Variants in TCF4 observed in about 807,000 individuals in gnomAD.
The protein encoded by TCF4 is SL3-3 enhancer factor 2.
In TCF4, 3 loss-of-function variants were observed where a neutral mutation model predicts 82.1. The observed-to-expected ratio is 0.04, with a 90% CI of 0.02 to 0.09. TCF4 has a LOEUF of 0.09. Among genes scored for constraint, TCF4 ranks in the 10% least tolerant of loss-of-function variants. TCF4 has a pLI of 1.00. For synonymous variants in TCF4, 276 were observed against 309.6 expected (o/e 0.89, Z 1.14); for missense variants, 518 against 852.7 (o/e 0.61, Z 4.89).
intron 3 of TCF4, among the ~76,000 whole-genome samples, chr18:55,507,254 T>G (rs752491791): frequency 6.6e-6 from 1 of 152,158 alleles, no homozygotes; most frequent in Non-Finnish European, 1.5e-5. Context: ...TTCACTACTT[T>G]TGTGCTTTGG....
chr18:55,313,119 C>A (rs979745064), intron 8 of TCF4, among the ~76,000 whole-genome samples: 1 of 152,086 alleles, frequency 6.6e-6, no homozygotes, highest in Admixed American at 6.6e-5. Flanking sequence ...ACTGACCTAG[C>A]AAACAGATGG....
intron 15 of TCF4, among the ~76,000 whole-genome samples, chr18:55,250,815 C>A (rs1047158719): frequency 2.0e-5 from 3 of 152,080 alleles, no homozygotes; most frequent in Admixed American, 6.6e-5. Context: ...GTTGGTAAGG[C>A]AGAGTCATAT....
At chr18:55,413,867 T>A (rs1165140939) in intron 5 of TCF4, among the ~76,000 whole-genome samples, 1 of 152,250 alleles carries the variant, frequency 6.6e-6, no homozygotes, top group African/African-American at 2.4e-5. Flanking sequence ...ATCATCTGAA[T>A]AGTGGTGAAT....
At chr18:55,356,800 T>A (rs1011261883) in intron 6 of TCF4, among the ~76,000 whole-genome samples, 3 of 152,124 alleles carry the variant, frequency 2.0e-5, no homozygotes, top group Non-Finnish European at 4.4e-5. Flanking sequence ...CACAAAAAAA[T>A]AAAAATAAAT....
chr18:55,591,450 A>G (rs1341471310), upstream of TCF4, among the ~76,000 whole-genome samples: 8 of 152,250 alleles, frequency 5.3e-5, no homozygotes, highest in African/African-American at 1.9e-4. Flanking sequence ...TAGATAATCC[A>G]ATAAAACCCC....
intron 6 of TCF4, among the ~76,000 whole-genome samples, chr18:55,358,344 T>C (rs528237034): frequency 6.6e-6 from 1 of 152,318 alleles, no homozygotes; most frequent in South Asian, 2.1e-4. Context: ...ACCATAGTAT[T>C]AGCATAGGTA....
In TCF4 at chr18:55,269,866, C is replaced by T. The variant is rs1418378685; in HGVS notation, c.887G>A (p.Cys296Tyr). ...GTCTGTCCCGTTGGCAGGAGGCGTA[C>T]AGGAAGAGGTGCTGTAATGGTTTGT... ...SGTNHYSTSSCTPPANGTDSI... is the reference protein window; with the variant it reads ...SGTNHYSTSSYTPPANGTDSI... The change falls in exon 11 of 20, where the codon TGT becomes TAT. Residue 296 changes from cysteine (C) to tyrosine (Y), a missense_variant. Cys to Tyr is a radical substitution (Grantham distance 194, BLOSUM62 -2). This residue lies in a region of TCF4 where 211 missense variants were observed against 327.4 expected (regional missense o/e 0.64). Coordinates refer to ENST00000354452, the MANE Select transcript of TCF4 (RefSeq NM_001083962.2). 1 of 1,613,068 alleles carries T rather than the reference C, an allele frequency of 6.2e-7. No homozygotes were observed. Among genetic ancestry groups the T allele is most frequent in the African/African-American group, 1.3e-5 (1 of 74,822 alleles).
intron 8 of TCF4, among the ~76,000 whole-genome samples, chr18:55,296,129 C>G (rs936845123): frequency 1.3e-5 from 2 of 150,594 alleles, no homozygotes; most frequent in Admixed American, 6.6e-5. Flanking sequence ...TTTAAACAAC[C>G]AAAATAACTC....
chr18:55,335,199 T>C (rs1226055619), intron 8 of TCF4, among the ~76,000 whole-genome samples: 1 of 152,194 alleles, frequency 6.6e-6, no homozygotes, highest in Non-Finnish European at 1.5e-5. Flanking sequence ...TTACATACCA[T>C]ATGCCCTGAA....
At chr18:55,356,636 T>C (rs939438290) in intron 6 of TCF4, among the ~76,000 whole-genome samples, 2 of 152,308 alleles carry the variant, frequency 1.3e-5, no homozygotes, top group East Asian at 1.9e-4. Flanking sequence ...ACATTCGAAC[T>C]CTTGCTACAG....
intron 3 of TCF4, among the ~76,000 whole-genome samples, chr18:55,532,251 T>C (rs1177345439): frequency 6.6e-6 from 1 of 152,198 alleles, no homozygotes; most frequent in African/African-American, 2.4e-5. Flanking sequence ...TATGATTAAA[T>C]ATGGATTAAG....
intron 2 of TCF4, among the ~76,000 whole-genome samples, chr18:55,628,358 A>T (rs900887646): frequency 2.6e-5 from 4 of 152,148 alleles, no homozygotes; most frequent in African/African-American, 9.7e-5. Flanking sequence ...TTCCAATGAA[A>T]ATCCTGCTGT....
At chr18:55,569,921 G>A (rs2097446158) in intron 3 of TCF4, among the ~76,000 whole-genome samples, 1 of 152,136 alleles carries the variant, frequency 6.6e-6, no homozygotes, top group Non-Finnish European at 1.5e-5. Flanking sequence ...TCACGTAGAA[G>A]AACTCAGGCT....
Position 55,229,065 on chromosome 18 carries a change from T to A in TCF4, c.1661A>T (p.Asp554Val). 1 of 1,614,152 alleles carries A rather than the reference T, an allele frequency of 6.2e-7. No individual in the cohort carries two copies. The highest frequency in any genetic ancestry group is 8.5e-7 in the Non-Finnish European group (1 of 1,180,022). Residue 554 changes from aspartate (D) to valine (V), a missense_variant, in exon 18 of 20, where the codon GAT (aspartate) becomes GTT (valine). By Grantham distance (152) the Asp-to-Val change is radical (BLOSUM62 -3). Transcript: ENST00000354452. ...CTTCTGCTCTGGTGTCAGGTCCTCA[T>A]CGTCATTATTGCTGTGGGACAAAAG... ...ITRSRSSNND[D>V]EDLTPEQKAE...
At chr18:55,635,806 C>A (rs568494910) in exon 1 of TCF4, 2 of 1,554,084 alleles carry the variant, frequency 1.3e-6, no homozygotes, top group South Asian at 1.2e-5. Flanking sequence ...TTCAACTGCA[C>A]CCTCCATCTT....
intron 5 of TCF4, among the ~76,000 whole-genome samples, chr18:55,444,443 T>A (rs1177307164): frequency 6.6e-6 from 1 of 152,170 alleles, no homozygotes; most frequent in African/African-American, 2.4e-5. Context: ...ATACAAGGTG[T>A]GATTAAACCA....
rs1053494145 is a variant in TCF4, at chr18:55,533,890, T to C, written c.145+51390A>G. Among the ~76,000 whole-genome samples, 137 of 152,326 alleles carry C rather than the reference T, an allele frequency of 9.0e-4. 2 individuals carry two copies. The highest frequency in any genetic ancestry group is 4.4e-4 in the Non-Finnish European group (30 of 68,020). ...TTCTTTCTTTTAAGAAAATACTTAC[T>C]GAGCATCCACCCTGTGCCAGGCACT... On this transcript the variant is annotated intron_variant, in intron 3 of 19. Coordinates refer to ENST00000354452, the MANE Select transcript of TCF4 (RefSeq NM_001083962.2).
At chr18:55,300,185 A>G (rs2067763611) in intron 8 of TCF4, among the ~76,000 whole-genome samples, 1 of 152,172 alleles carries the variant, frequency 6.6e-6, no homozygotes, top group Non-Finnish European at 1.5e-5. Context: ...AACAATCTGA[A>G]CTAACAGCCA....
At chr18:55,589,717 T>A (rs967885648), upstream of TCF4, 2 of 1,027,772 alleles carry the variant, frequency 1.9e-6, no homozygotes, top group East Asian at 1.2e-4. Flanking sequence ...ATCATCACCA[T>A]GGACTCCCCC....
Sources: allele counts gnomAD v4.1 joint callset (sites outside exome capture counted in the v4.1 genomes callset), GRCh38; gene constraint gnomAD v4.1.1; regional missense constraint gnomAD v4.1.1; transcripts MANE v1.5; gene names NCBI Gene and HGNC (gene_info 2026-07-23, HGNC 2026-07-21).